SEMA5A: variants seen among roughly 807,000 people sequenced by gnomAD.
SEMA5A encodes the protein semaphorin-5A.
SEMA5A carries 55 observed loss-of-function variants against 135.5 expected under a neutral mutation model. The ratio of observed to expected loss-of-function variants is 0.41; its 90% CI spans 0.33 to 0.51. The LOEUF is 0.51. Among genes scored for constraint, SEMA5A ranks in the 20% least tolerant of loss-of-function variants. The pLI is 0.37. For missense variants in SEMA5A, 1,290 were observed against 1,419.9 expected, an observed-to-expected ratio of 0.91 and a Z score of 1.47; for synonymous variants, 580 against 546.5, an observed-to-expected ratio of 1.06 and a Z score of -0.85.
At chr5:9,414,827 T>C (rs1757228966) in intron 2 of SEMA5A, among the ~76,000 whole-genome samples, 1 of 152,186 alleles carries the variant, frequency 6.6e-6, no homozygotes, top group Non-Finnish European at 1.5e-5. Flanking sequence ...GTGTCTCAGC[T>C]TTATCTGTTA....
rs187787159 is a variant in SEMA5A at position 9,091,079 on chromosome 5, G to A, written c.2073+17061C>T. Among the ~76,000 whole-genome samples, 10 of 152,298 alleles carry A rather than the reference G, an allele frequency of 6.6e-5. No homozygotes were observed. The East Asian group carries it at 1.4e-3, about 21-fold the overall frequency. ...TTCCTCTCAAACCAAGGAAGCACAA[G>A]CTGAGAAGCTCACAGTAAACTCACA... On this transcript the variant is annotated intron_variant, in intron 16 of 22. Coordinates refer to ENST00000382496, the MANE Select transcript of SEMA5A (RefSeq NM_003966.3).
chr5:9,188,259 A>C (rs1049937943), intron 11 of SEMA5A, among the ~76,000 whole-genome samples: 1 of 152,228 alleles, frequency 6.6e-6, no homozygotes, highest in African/African-American at 2.4e-5. Context: ...GTCATCAGCC[A>C]CCATGATCTT....
In SEMA5A at chr5:9,545,031, C is replaced by T. The variant is rs1404199083; in HGVS notation, c.-175+553G>A. ...GTGGTTCCCCAGGCCTCTGCATCCCCCGCCTTAGTGTCTTTCATTAACCAA... is the reference window on the plus strand; with the variant it reads ...GTGGTTCCCCAGGCCTCTGCATCCCTCGCCTTAGTGTCTTTCATTAACCAA... On this transcript the variant is annotated intron_variant, in intron 1 of 22. Transcript: ENST00000382496. This position sits in a 1 kb window ranked among gnomAD's most constrained non-coding sequence, Gnocchi z 4.5. Among the ~76,000 whole-genome samples the T allele has an allele frequency of 6.6e-6, 1 of 152,192 alleles. No homozygotes were observed. The highest frequency in any genetic ancestry group is 1.5e-5 in the Non-Finnish European group (1 of 68,024).
intron 11 of SEMA5A, among the ~76,000 whole-genome samples, chr5:9,190,004 A>G (rs930665268): frequency 5.3e-5 from 8 of 152,218 alleles, no homozygotes; most frequent in Non-Finnish European, 1.0e-4. Flanking sequence ...GACTTATTTT[A>G]TGAATAGTTG....
chr5:9,043,047 A>G (rs764645805), intron 22 of SEMA5A, 31 bp from the exon 23 acceptor site: 43 of 1,563,002 alleles, frequency 2.8e-5, no homozygotes, highest in Non-Finnish European at 3.0e-5. Context: ...AAACAGGTTT[A>G]AGAATGCTGA....
intron 2 of SEMA5A, among the ~76,000 whole-genome samples, chr5:9,402,107 T>G (rs1255482380): frequency 6.6e-6 from 1 of 152,230 alleles, no homozygotes; most frequent in Non-Finnish European, 1.5e-5. Context: ...CTATCTCTCT[T>G]AATGTCAATC....
chr5:9,491,642 C>A (rs1247351035), intron 1 of SEMA5A, among the ~76,000 whole-genome samples: 1 of 152,080 alleles, frequency 6.6e-6, no homozygotes, highest in Admixed American at 6.6e-5. Flanking sequence ...TCAGTGTTGT[C>A]TTTCATCAGA....
At chr5:9,514,019 A>G (rs1736366805) in intron 1 of SEMA5A, among the ~76,000 whole-genome samples, 1 of 152,176 alleles carries the variant, frequency 6.6e-6, no homozygotes, top group Admixed American at 6.5e-5. Flanking sequence ...TCAAGACCTC[A>G]GCGAGGCCCT....
chr5:9,456,300 C>G (rs1312683689), intron 1 of SEMA5A, among the ~76,000 whole-genome samples: 1 of 152,202 alleles, frequency 6.6e-6, no homozygotes, highest in Non-Finnish European at 1.5e-5. Flanking sequence ...GAGGTTTATC[C>G]TCTTCTGCAA....
At chr5:9,100,716 T>C (rs1252763966) in intron 16 of SEMA5A, among the ~76,000 whole-genome samples, 1 of 152,046 alleles carries the variant, frequency 6.6e-6, no homozygotes, top group Non-Finnish European at 1.5e-5. Context: ...GAATTTTCAC[T>C]CTCAGCTCCT....
At chr5:9,312,058 T>G (rs1481539030) in intron 5 of SEMA5A, among the ~76,000 whole-genome samples, 1 of 152,164 alleles carries the variant, frequency 6.6e-6, no homozygotes, top group African/African-American at 2.4e-5. Context: ...TTTGTGTTTT[T>G]TGAACTCTGT....
At chr5:9,114,014 G>A (rs1233391514) in intron 15 of SEMA5A, among the ~76,000 whole-genome samples, 1 of 152,202 alleles carries the variant, frequency 6.6e-6, no homozygotes, top group African/African-American at 2.4e-5. Context: ...ATTCAGTACA[G>A]CATTGACAAT....
intron 5 of SEMA5A, among the ~76,000 whole-genome samples, chr5:9,318,092 A>G (rs1752468860): frequency 6.6e-6 from 1 of 152,202 alleles, no homozygotes; most frequent in Non-Finnish European, 1.5e-5. Flanking sequence ...CTTTGAAGCA[A>G]TGTTCCTTGA....
At chr5:9,114,715 G>C (rs1740422973) in intron 15 of SEMA5A, among the ~76,000 whole-genome samples, 1 of 152,150 alleles carries the variant, frequency 6.6e-6, no homozygotes, top group African/African-American at 2.4e-5. Flanking sequence ...GAAAGACTGA[G>C]GAATGGATTA....
intron 1 of SEMA5A, among the ~76,000 whole-genome samples, chr5:9,466,142 C>G (rs1328144964): frequency 6.6e-6 from 1 of 151,874 alleles, no homozygotes; most frequent in African/African-American, 2.4e-5. Context: ...TACCTGGGTA[C>G]CAATGTGGAG....
At chr5:9,457,900 CTTTTTTTTTTTT>C (rs70943966) in intron 1 of SEMA5A, among the ~76,000 whole-genome samples, 3 of 70,162 alleles carry the variant, frequency 4.3e-5, no homozygotes, top group Non-Finnish European at 7.6e-5. Flanking sequence ...AGCATCTCTC[CTTTTTTTTTTTT>C]TTTTTTTTTT....
At chr5:9,439,372 TA>T (rs1443801521) in intron 1 of SEMA5A, among the ~76,000 whole-genome samples, 6 of 152,250 alleles carry the variant, frequency 3.9e-5, no homozygotes, top group Admixed American at 1.3e-4. Context: ...TCTCCAGTCC[TA>T]AAATCTATTT....
rs116902935 is a variant in SEMA5A, at chr5:9,103,451, C to T, written c.2073+4689G>A. 6.5e-4 allele frequency among the ~76,000 whole-genome samples: 99 copies of T among 152,208 alleles called. 2 individuals carry two copies. The East Asian group carries it at 0.016, about 25-fold the overall frequency. On this transcript the variant is annotated intron_variant, in intron 16 of 22. Coordinates refer to ENST00000382496, the MANE Select transcript of SEMA5A (RefSeq NM_003966.3). ...AACTCTGACTGACCCTCGCAGAATC[C>T]CTTTTGACAGCATGTATTGATTATA...
At chr5:9,122,529 T>A in intron 14 of SEMA5A, 127 bp downstream of exon 14, 3 of 927,730 alleles carry the variant, frequency 3.2e-6, no homozygotes, top group Non-Finnish European at 4.4e-6. Flanking sequence ...TTTTAAATGG[T>A]GAATGTCCCT....
Sources: gnomAD v4.1 joint callset for allele counts (sites outside exome capture counted in the v4.1 genomes callset) on GRCh38, gnomAD v4.1.1 for gene constraint, Gnocchi (gnomAD v3.1) non-coding constraint, MANE v1.5 for transcripts, NCBI Gene and HGNC (gene_info 2026-07-23, HGNC 2026-07-21) for gene names.